AFF1: variants seen among roughly 807,000 people sequenced by gnomAD.
AFF1 encodes the protein ALF transcription elongation factor 1.
In AFF1, 48 loss-of-function variants were observed where a neutral mutation model predicts 121.7. The observed-to-expected ratio is 0.39, with a 90% CI of 0.31 to 0.50. The LOEUF (loss-of-function observed/expected upper bound fraction) is 0.50. Ranked by LOEUF, AFF1 falls within the 20% of genes least tolerant of loss-of-function variation. AFF1 has a pLI of 0.76. For missense variants in AFF1, 1,523 were observed against 1,511.7 expected, an observed-to-expected ratio of 1.01 and a Z score of -0.12; for synonymous variants, 613 against 563.0, an observed-to-expected ratio of 1.09 and a Z score of -1.26.
intron 2 of AFF1, among the ~76,000 whole-genome samples, chr4:87,016,176 G>A (rs1727278241): frequency 6.6e-6 from 1 of 151,912 alleles, no homozygotes; most frequent in Non-Finnish European, 1.5e-5. Context: ...TTGGTAGCTT[G>A]GTGTAAATGA....
Position 87,116,909 on chromosome 4 carries a change from A to T in AFF1, c.2466+1610A>T, listed in dbSNP as rs532664667. On this transcript the variant is annotated intron_variant, in intron 12 of 20. Coordinates refer to ENST00000395146, the MANE Select transcript of AFF1 (RefSeq NM_001166693.3). ...TGTGATGGACCTGGTTAGGAAAAAGATACCTGCAGCTGATACACCTGGGAA... is the reference window on the plus strand; with the variant it reads ...TGTGATGGACCTGGTTAGGAAAAAGTTACCTGCAGCTGATACACCTGGGAA... Among the ~76,000 whole-genome samples, 5 of 152,280 alleles carry T rather than the reference A, an allele frequency of 3.3e-5. No individual in the cohort carries two copies. In the East Asian group the frequency reaches 9.6e-4, roughly 29 times the overall value.
chr4:86,988,203 C>A (rs893966899), intron 2 of AFF1, among the ~76,000 whole-genome samples: 11 of 152,200 alleles, frequency 7.2e-5, no homozygotes, highest in African/African-American at 2.6e-4. Flanking sequence ...CCTTCTCTTG[C>A]AACTGCTTTG....
chr4:87,066,642 C>G (rs1721377811), intron 4 of AFF1, among the ~76,000 whole-genome samples: 1 of 152,090 alleles, frequency 6.6e-6, no homozygotes, highest in South Asian at 2.1e-4. Context: ...AAGGGTAGTA[C>G]TGACATGGCC....
At chr4:87,088,707 C>G (rs1404004040) in intron 5 of AFF1, among the ~76,000 whole-genome samples, 1 of 152,068 alleles carries the variant, frequency 6.6e-6, no homozygotes, top group Admixed American at 6.6e-5. Context: ...CAGGTTCAAG[C>G]CATTCTCCTG....
intron 7 of AFF1, 39 bp from the exon 8 acceptor site, chr4:87,094,876 T>G: frequency 6.3e-7 from 1 of 1,595,622 alleles, no homozygotes; most frequent in Non-Finnish European, 8.6e-7. Context: ...CTTGTAAATA[T>G]GTGTCATTGT....
chr4:87,102,105 T>G lies in AFF1; in HGVS notation c.1284-3523T>G, dbSNP rs192068694. On this transcript the variant is annotated intron_variant, in intron 8 of 20. Coordinates refer to ENST00000395146, the MANE Select transcript of AFF1 (RefSeq NM_001166693.3). ...GTTGTACAAAGGGTTTTGAGAATTGTTTGTTACCTGTAAGCAAAAAGTTTA... is the reference window on the plus strand; with the variant it reads ...GTTGTACAAAGGGTTTTGAGAATTGGTTGTTACCTGTAAGCAAAAAGTTTA... Among the ~76,000 whole-genome samples, 26 of 152,318 alleles carry G rather than the reference T, an allele frequency of 1.7e-4. 1 individual carries two copies. Among genetic ancestry groups the G allele is most frequent in the Admixed American group, 1.6e-3 (24 of 15,284 alleles).
At chr4:87,076,321 A>C (rs569379402) in intron 4 of AFF1, among the ~76,000 whole-genome samples, 41 of 152,258 alleles carry the variant, frequency 2.7e-4, no homozygotes, top group Non-Finnish European at 5.0e-4. Flanking sequence ...GAGATTCTGC[A>C]GTTAGGGAGA....
rs1729568778 is a variant in AFF1, at chr4:87,139,686, T to C, written c.*3985T>C. ...GGGTCCCACTTAGGATTAATGGATG[T>C]AAGGTATTTTCCTGTGCCTTTATTT... On this transcript the variant is annotated 3_prime_UTR_variant, in exon 21 of 21. Transcript: ENST00000395146. The C allele has an allele frequency of 1.3e-5, 3 of 228,850 alleles. No homozygotes were observed. In the Admixed American group the frequency reaches 1.7e-4, roughly 13 times the overall value. 14.2% of individuals were successfully genotyped at this position (228,850 alleles called of 1,614,324 possible).
In AFF1 at chr4:87,022,545, T is replaced by TAG. The variant is rs1560546884; in HGVS notation, c.39-23620_39-23619insGA. On this transcript the variant is annotated intron_variant, in intron 2 of 20. Transcript: ENST00000395146. ...GATGTTTTCTTCCCGTGCTTACAGA[T>TAG]ATATATATATATATATATATATATA... 3.7e-4 allele frequency among the ~76,000 whole-genome samples: 12 copies of TAG among 32,870 alleles called. No homozygotes were observed. The East Asian group carries it at 7.5e-3, about 21-fold the overall frequency. 21.6% of individuals were successfully genotyped at this position (32,870 alleles called of 152,430 possible). A position where few individuals can be genotyped will look rare whatever the true frequency, so the allele number is the denominator to read the frequency against.
At chr4:87,054,577 G>A (rs1229904329) in intron 4 of AFF1, among the ~76,000 whole-genome samples, 2 of 152,288 alleles carry the variant, frequency 1.3e-5, no homozygotes, top group Admixed American at 6.5e-5. Flanking sequence ...ACCTCAGTGA[G>A]CCTGGGCAGA....
chr4:87,110,113 T>C (rs115845557), intron 11 of AFF1, among the ~76,000 whole-genome samples: 3,040 of 152,326 alleles, frequency 0.02, 112 homozygotes, highest in African/African-American at 0.07. Flanking sequence ...TTCATTAATA[T>C]TGCATAATCA....
At chr4:87,065,201 A>G (rs1721215247) in intron 4 of AFF1, among the ~76,000 whole-genome samples, 1 of 152,248 alleles carries the variant, frequency 6.6e-6, no homozygotes, top group Non-Finnish European at 1.5e-5. Flanking sequence ...CCTCACAGTC[A>G]TGCGGAAGGC....
At chr4:86,944,391 C>T (rs1195761495) in intron 1 of AFF1, among the ~76,000 whole-genome samples, 1 of 146,318 alleles carries the variant, frequency 6.8e-6, no homozygotes, top group Non-Finnish European at 1.5e-5. Flanking sequence ...TTTTTTTGGA[C>T]AGTCTTGTTC....
At chr4:87,019,761 T>TTTAACTCA (rs1196091826) in intron 2 of AFF1, among the ~76,000 whole-genome samples, 1 of 152,106 alleles carries the variant, frequency 6.6e-6, no homozygotes, top group East Asian at 1.9e-4. Flanking sequence ...AAACGTTAAG[T>TTTAACTCA]AGGTGTTTCC....
chr4:87,078,362 G>T (rs932535302), intron 4 of AFF1, among the ~76,000 whole-genome samples: 6 of 152,068 alleles, frequency 3.9e-5, no homozygotes, highest in Non-Finnish European at 8.8e-5. Flanking sequence ...CTGAGTTCCG[G>T]GACTGAAAAC....
chr4:87,017,099 GTGTT>G (rs1329162287), intron 2 of AFF1, among the ~76,000 whole-genome samples: 3 of 95,530 alleles, frequency 3.1e-5, no homozygotes, highest in Admixed American at 1.6e-4. Context: ...GTATATATAT[GTGTT>G]TTTTTTTTTT....
chr4:87,066,743 G>T (rs1309979913), intron 4 of AFF1, among the ~76,000 whole-genome samples: 1 of 150,548 alleles, frequency 6.6e-6, no homozygotes, highest in Admixed American at 6.6e-5. Flanking sequence ...TTGACTTGAG[G>T]GGTATCTTGG....
intron 2 of AFF1, among the ~76,000 whole-genome samples, chr4:86,994,501 A>G (rs2149510068): frequency 6.6e-6 from 1 of 152,360 alleles, no homozygotes; most frequent in Non-Finnish European, 1.5e-5. Flanking sequence ...ACACATGTGT[A>G]AAAGGAAATC....
At chr4:86,961,214 C>T (rs962594035) in intron 2 of AFF1, among the ~76,000 whole-genome samples, 5 of 152,024 alleles carry the variant, frequency 3.3e-5, no homozygotes, top group Non-Finnish European at 7.4e-5. Context: ...GAGACCTGTG[C>T]TAAGTATTTG....
Sources: allele counts gnomAD v4.1 joint callset (sites outside exome capture counted in the v4.1 genomes callset), GRCh38; gene constraint gnomAD v4.1.1; transcripts MANE v1.5; gene names NCBI Gene and HGNC (gene_info 2026-07-23, HGNC 2026-07-21).